Variants in PCDH15 observed in about 807,000 individuals in gnomAD.
PCDH15 encodes protocadherin related 15.
PCDH15 carries 129 observed loss-of-function variants against 178.5 expected under a neutral mutation model. The ratio of observed to expected loss-of-function variants is 0.72; its 90% CI spans 0.63 to 0.84. The LOEUF (loss-of-function observed/expected upper bound fraction) is 0.84. Among genes scored for constraint, PCDH15 ranks in the 40% least tolerant of loss-of-function variants. PCDH15 has a pLI of 0.00. For missense variants in PCDH15, 2,230 were observed against 2,099.9 expected (o/e 1.06, Z -1.21); for synonymous variants, 800 against 732.0 (o/e 1.09, Z -1.50).
At chr10:54,434,494 T>C (rs1165486790) in intron 3 of PCDH15, among the ~76,000 whole-genome samples, 3 of 152,178 alleles carry the variant, frequency 2.0e-5, no homozygotes, top group Non-Finnish European at 4.4e-5. Flanking sequence ...CATTGTGTTA[T>C]AGTTGGCTAC....
chr10:55,590,593 C>T (rs10825554), intron 2 of PCDH15, among the ~76,000 whole-genome samples: 49,605 of 151,886 alleles, frequency 0.33, 8,593 homozygotes, highest in East Asian at 0.49. Context: ...AAGACAAAAA[C>T]AGATGGATGC....
chr10:54,421,892 A>G (rs1955510501), intron 3 of PCDH15, among the ~76,000 whole-genome samples: 1 of 80,774 alleles, frequency 1.2e-5, no homozygotes, highest in African/African-American at 6.6e-5. Flanking sequence ...ATACACACAC[A>G]CACTATATAT....
chr10:55,515,283 C>T (rs1381147725), intron 2 of PCDH15, among the ~76,000 whole-genome samples: 2 of 151,838 alleles, frequency 1.3e-5, no homozygotes, highest in African/African-American at 2.4e-5. Context: ...GTGGCCGGGG[C>T]ATTGTTTTTG....
intron 2 of PCDH15, among the ~76,000 whole-genome samples, chr10:55,359,165 C>T (rs899594831): frequency 6.6e-6 from 1 of 151,644 alleles, no homozygotes; most frequent in Non-Finnish European, 1.5e-5. Context: ...CCACTGCACC[C>T]CAGCCTGGGT....
chr10:54,983,371 G>A (rs1488207577), intron 2 of PCDH15, among the ~76,000 whole-genome samples: 2 of 152,094 alleles, frequency 1.3e-5, no homozygotes, highest in African/African-American at 4.8e-5. Context: ...GACCAATAGT[G>A]TGTAAACCTT....
chr10:55,356,351 A>G (rs190727764), intron 2 of PCDH15, among the ~76,000 whole-genome samples: 47 of 151,960 alleles, frequency 3.1e-4, no homozygotes, highest in African/African-American at 9.6e-4. Flanking sequence ...AGAAAAGAGA[A>G]TAATAGTTTA....
intron 1 of PCDH15, among the ~76,000 whole-genome samples, chr10:55,205,157 G>T (rs1164691895): frequency 2.0e-5 from 3 of 151,838 alleles, no homozygotes; most frequent in African/African-American, 7.3e-5. Context: ...AAAAATAAAA[G>T]AAATATTAAA....
At chr10:54,952,668 T>C (rs1838374762) in intron 2 of PCDH15, among the ~76,000 whole-genome samples, 1 of 151,814 alleles carries the variant, frequency 6.6e-6, no homozygotes. Context: ...TCTGATGCAC[T>C]TTATCAGAAT....
intron 15 of PCDH15, among the ~76,000 whole-genome samples, chr10:54,122,581 C>CAAA (rs71007809): frequency 1.4e-5 from 2 of 139,550 alleles, no homozygotes; most frequent in Non-Finnish European, 1.6e-5. Context: ...ATCCAAATAG[C>CAAA]AAAAAAAAAA....
At chr10:55,198,654 AT>A (rs570686890) in intron 1 of PCDH15, among the ~76,000 whole-genome samples, 1,875 of 142,386 alleles carry the variant, frequency 0.013, 30 homozygotes, top group African/African-American at 0.032. Flanking sequence ...CGCCCAGCTA[AT>A]TTTTTTTTTT....
rs767750465 is a variant in PCDH15 at position 54,462,680 on chromosome 10, A to ATTTTTT, written c.157+65126_157+65131dup. On this transcript the variant is annotated intron_variant, in intron 3 of 37. Transcript: ENST00000644397. ...AGGCACGTGTCACCACACCTGCTTA[A>ATTTTTT]TTTTTTTTTTTTTTTTTTTTTTTTT... Among the ~76,000 whole-genome samples, 12 of 56,240 alleles carry ATTTTTT rather than the reference A, an allele frequency of 2.1e-4. 2 individuals carry two copies. Among genetic ancestry groups the ATTTTTT allele is most frequent in the African/African-American group, 8.0e-4 (9 of 11,254 alleles). The allele number at this position is 56,240 out of a possible 152,430, so 36.9% of individuals were successfully genotyped here. A position where few individuals can be genotyped will look rare whatever the true frequency, so the allele number is the denominator to read the frequency against.
chr10:55,322,874 A>G (rs1310999889), upstream of PCDH15, among the ~76,000 whole-genome samples: 1 of 152,144 alleles, frequency 6.6e-6, no homozygotes, highest in Non-Finnish European at 1.5e-5. Context: ...TTAATCACCA[A>G]GGTAATAGGG....
At chr10:54,769,297 G>A (rs1445807661) in intron 1 of PCDH15, among the ~76,000 whole-genome samples, 4 of 149,298 alleles carry the variant, frequency 2.7e-5, no homozygotes, top group African/African-American at 9.9e-5. Flanking sequence ...TGGCAGGCAT[G>A]CTTGACAGCA....
intron 2 of PCDH15, among the ~76,000 whole-genome samples, chr10:54,531,384 A>G (rs1026796443): frequency 3.3e-5 from 5 of 152,196 alleles, no homozygotes; most frequent in African/African-American, 1.2e-4. Context: ...ATATATTTAA[A>G]AATATTCATA....
At chr10:53,832,551 A>G (rs1195881574) in intron 29 of PCDH15, among the ~76,000 whole-genome samples, 1 of 151,938 alleles carries the variant, frequency 6.6e-6, no homozygotes, top group Non-Finnish European at 1.5e-5. Context: ...AATCACTTCT[A>G]ACATCTTGGT....
chr10:55,341,803 ATATTTTTTT>A (rs1844600578), intron 2 of PCDH15, among the ~76,000 whole-genome samples: 2 of 11,330 alleles, frequency 1.8e-4, no homozygotes, highest in African/African-American at 8.1e-4. Context: ...ATATATATAT[ATATTTTTTT>A]TTTTTTTTTT....
At chr10:55,039,109 A>G (rs1390739935) in intron 2 of PCDH15, among the ~76,000 whole-genome samples, 1 of 152,068 alleles carries the variant, frequency 6.6e-6, no homozygotes, top group Admixed American at 6.6e-5. Context: ...CCCTCTCTCC[A>G]TACCTTCCCA....
At chr10:55,098,789 G>C (rs1842505033) in intron 2 of PCDH15, among the ~76,000 whole-genome samples, 1 of 151,810 alleles carries the variant, frequency 6.6e-6, no homozygotes, top group Admixed American at 6.6e-5. Flanking sequence ...CGGTGGGCTG[G>C]TTTTTCACTT....
intron 25 of PCDH15, among the ~76,000 whole-genome samples, chr10:53,933,489 T>C (rs1256676649): frequency 5.9e-5 from 9 of 151,524 alleles, no homozygotes; most frequent in South Asian, 2.1e-4. Flanking sequence ...CATGTCCCTA[T>C]AAAGGACATG....
Sources: allele counts gnomAD v4.1 joint callset (sites outside exome capture counted in the v4.1 genomes callset), GRCh38; gene constraint gnomAD v4.1.1; transcripts MANE v1.5; gene names NCBI Gene and HGNC (gene_info 2026-07-23, HGNC 2026-07-21).